Variants in PABPC4L observed in about 807,000 individuals in gnomAD.
The protein encoded by PABPC4L is polyadenylate-binding protein 4-like.
For synonymous variants in PABPC4L, 169 were observed against 164.1 expected, an observed-to-expected ratio of 1.03 and a Z score of -0.23; for missense variants, 452 against 451.4, an observed-to-expected ratio of 1.00 and a Z score of -0.01.
chr4:134,033,663 C>T, the PABPC4L span, among the ~76,000 whole-genome samples: 91 of 151,888 alleles, frequency 6.0e-4, no homozygotes, highest in Non-Finnish European at 1.1e-3. Context: ...AAGATCAAAC[C>T]AGACACAACA....
At chr4:134,085,818 G>A in the PABPC4L span, among the ~76,000 whole-genome samples, 40 of 152,100 alleles carry the variant, frequency 2.6e-4, no homozygotes, top group Non-Finnish European at 4.4e-4. Flanking sequence ...ATATGCATAT[G>A]TGTTCTTTTC....
the PABPC4L span, among the ~76,000 whole-genome samples, chr4:134,015,201 G>A: frequency 1.3e-5 from 2 of 152,044 alleles, 1 homozygote; most frequent in South Asian, 4.1e-4. Flanking sequence ...CCTGTTATCA[G>A]TCACCTGTTA....
chr4:133,976,909 T>G, the PABPC4L span, among the ~76,000 whole-genome samples: 1 of 151,724 alleles, frequency 6.6e-6, no homozygotes, highest in Non-Finnish European at 1.5e-5. Context: ...CAGAAGCTCT[T>G]TATTTTAATT....
chr4:134,051,340 A>C, the PABPC4L span, among the ~76,000 whole-genome samples: 1 of 152,162 alleles, frequency 6.6e-6, no homozygotes, highest in South Asian at 2.1e-4. Flanking sequence ...ACAGATAGGG[A>C]AAGAGTCTAG....
rs1011502621 is a variant in PABPC4L at position 134,198,161 on chromosome 4, A to G, written c.*1746T>C. 5 of 151,708 alleles carry G rather than the reference A, an allele frequency of 3.3e-5. No homozygotes were observed. The highest frequency in any genetic ancestry group is 7.4e-5 in the Non-Finnish European group (5 of 67,662). The allele number at this position is 151,708 out of a possible 1,614,324, so 9.4% of individuals were successfully genotyped here. A position where few individuals can be genotyped will look rare whatever the true frequency, so the allele number is the denominator to read the frequency against. On this transcript the variant is annotated 3_prime_UTR_variant, in exon 2 of 2. Transcript: ENST00000421491. ...GACAAATAATTATTGTGAGCATAAA[A>G]GTTGACCATAGCATATTGTTTAAGA... is the stretch of plus-strand genomic sequence containing the variant.
At chr4:134,059,386 CTATATATA>C in the PABPC4L span, among the ~76,000 whole-genome samples, 21 of 142,520 alleles carry the variant, frequency 1.5e-4, no homozygotes, top group African/African-American at 5.4e-4. Flanking sequence ...AGGAAACAAA[CTATATATA>C]TATATATATA....
the PABPC4L span, among the ~76,000 whole-genome samples, chr4:133,999,838 C>T: frequency 0.48 from 71,980 of 151,484 alleles, 18,640 homozygotes; most frequent in African/African-American, 0.65. Context: ...GCAAATCTGC[C>T]CAGGGATGAA....
chr4:133,970,957 A>G, the PABPC4L span, among the ~76,000 whole-genome samples: 1 of 151,974 alleles, frequency 6.6e-6, no homozygotes, highest in Non-Finnish European at 1.5e-5. Flanking sequence ...ATGTCTCCTA[A>G]TCTATGATAT....
At chr4:134,177,110 A>G in the PABPC4L span, among the ~76,000 whole-genome samples, 3 of 146,360 alleles carry the variant, frequency 2.0e-5, no homozygotes, top group Admixed American at 1.4e-4. Context: ...CTCCTGCCAC[A>G]CCCCCACCAC....
chr4:134,173,145 CTG>C, the PABPC4L span, among the ~76,000 whole-genome samples: 1 of 112,918 alleles, frequency 8.9e-6, no homozygotes, highest in Admixed American at 1.3e-4. Flanking sequence ...ATGGAGAACA[CTG>C]TGGAGATTCC....
chr4:134,078,943 C>G, the PABPC4L span, among the ~76,000 whole-genome samples: 2 of 146,304 alleles, frequency 1.4e-5, no homozygotes, highest in African/African-American at 5.0e-5. Context: ...ACTGGGATTA[C>G]AGGCGTGAGC....
chr4:133,995,835 G>A, the PABPC4L span, among the ~76,000 whole-genome samples: 1 of 152,170 alleles, frequency 6.6e-6, no homozygotes, highest in Non-Finnish European at 1.5e-5. Context: ...TGGGCTGTAA[G>A]GTTGTTTTAG....
At chr4:134,042,672 T>C in the PABPC4L span, among the ~76,000 whole-genome samples, 1 of 152,134 alleles carries the variant, frequency 6.6e-6, no homozygotes, top group East Asian at 1.9e-4. Context: ...TGCCTCTAAT[T>C]GGAGTTTTTC....
the PABPC4L span, among the ~76,000 whole-genome samples, chr4:134,000,072 T>A: frequency 6.6e-6 from 1 of 152,164 alleles, no homozygotes; most frequent in Non-Finnish European, 1.5e-5. Context: ...TCGTGAAGAT[T>A]CACATGTGTT....
chr4:134,042,231 G>A, the PABPC4L span, among the ~76,000 whole-genome samples: 1 of 152,082 alleles, frequency 6.6e-6, no homozygotes, highest in Non-Finnish European at 1.5e-5. Flanking sequence ...TTACAGGTGG[G>A]AGCTAAGCTA....
the PABPC4L span, among the ~76,000 whole-genome samples, chr4:134,043,539 A>G: frequency 6.6e-6 from 1 of 152,172 alleles, no homozygotes; most frequent in African/African-American, 2.4e-5. Context: ...ATATTATTGC[A>G]CCAACCTAAT....
the PABPC4L span, among the ~76,000 whole-genome samples, chr4:134,159,804 C>G: frequency 6.6e-6 from 1 of 152,116 alleles, no homozygotes; most frequent in Non-Finnish European, 1.5e-5. Context: ...GCTGCAGAAG[C>G]CCGCAGCCCT....
chr4:134,178,465 T>C, the PABPC4L span, among the ~76,000 whole-genome samples: 1 of 134,960 alleles, frequency 7.4e-6, no homozygotes, highest in Admixed American at 7.8e-5. Context: ...ACAACAACTC[T>C]GGCAACTCAA....
the PABPC4L span, among the ~76,000 whole-genome samples, chr4:133,957,412 G>A: frequency 6.6e-6 from 1 of 152,210 alleles, no homozygotes; most frequent in Non-Finnish European, 1.5e-5. Flanking sequence ...GCCTTCAGCA[G>A]TCTACCCCTG....
Sources: gnomAD v4.1 joint callset for allele counts (sites outside exome capture counted in the v4.1 genomes callset) on GRCh38, gnomAD v4.1.1 for gene constraint, MANE v1.5 for transcripts, NCBI Gene and HGNC (gene_info 2026-07-23, HGNC 2026-07-21) for gene names.